Variants in PRKCE observed in about 807,000 individuals in gnomAD.
PRKCE encodes the protein protein kinase C epsilon.
Under a neutral mutation model 85.4 loss-of-function variants are expected in PRKCE, and 16 were observed. The ratio of observed to expected loss-of-function variants is 0.19; its 90% CI spans 0.13 to 0.28. The LOEUF (loss-of-function observed/expected upper bound fraction) is 0.28. PRKCE is among the 10% of genes least tolerant of loss of function. The pLI is 1.00. For missense variants in PRKCE, 573 were observed against 975.2 expected (o/e 0.59, Z 5.49); for synonymous variants, 388 against 371.5 (o/e 1.04, Z -0.51).
intron 1 of PRKCE, among the ~76,000 whole-genome samples, chr2:45,803,639 T>C (rs1688035133): frequency 6.6e-6 from 1 of 152,224 alleles, no homozygotes; most frequent in Non-Finnish European, 1.5e-5. Context: ...TAATATTTAC[T>C]GATGGTTTGG....
intron 1 of PRKCE, among the ~76,000 whole-genome samples, chr2:45,759,263 G>A (rs941041589): frequency 1.3e-5 from 2 of 152,210 alleles, no homozygotes; most frequent in African/African-American, 4.8e-5. Context: ...GTTTTAGTAT[G>A]TCTTGAGCTG....
rs113677616 is a variant in PRKCE, at chr2:45,920,051, T to G, written c.413-56378T>G. Among the ~76,000 whole-genome samples the G allele has an allele frequency of 6.2e-3, 945 of 152,276 alleles. 19 individuals are homozygous for G. The highest frequency in any genetic ancestry group is 0.021 in the African/African-American group (885 of 41,548). On this transcript the variant is annotated intron_variant, in intron 2 of 14. Transcript: ENST00000306156. ...TACTCAGGCCATGTCTGTACATGTA[T>G]TTGTGGCCCCAGCCGGTTCAGACAC...
At chr2:45,873,746 C>T (rs1480655945) in intron 2 of PRKCE, among the ~76,000 whole-genome samples, 1 of 152,232 alleles carries the variant, frequency 6.6e-6, no homozygotes, top group East Asian at 1.9e-4. Context: ...TCTCTTGCCT[C>T]AGTGTCGGTG....
chr2:45,869,383 T>G (rs1693891568), intron 2 of PRKCE, among the ~76,000 whole-genome samples: 1 of 152,248 alleles, frequency 6.6e-6, no homozygotes, highest in South Asian at 2.1e-4. Context: ...TAAAACTGTT[T>G]GTGACACTGC....
chr2:46,123,214 C>CTTTTTTTTTTTTTTT lies in PRKCE; in HGVS notation c.1593-21864_1593-21850dup, dbSNP rs70937991. Among the ~76,000 whole-genome samples the CTTTTTTTTTTTTTTT allele has an allele frequency of 1.2e-3, 33 of 27,370 alleles. 9 individuals are homozygous for CTTTTTTTTTTTTTTT. The highest frequency in any genetic ancestry group is 3.3e-3 in the African/African-American group (26 of 7,912). The allele number at this position is 27,370 out of a possible 152,430, so 18.0% of individuals were successfully genotyped here. A position where few individuals can be genotyped will look rare whatever the true frequency, so the allele number is the denominator to read the frequency against. ...AAGCTTTACAAAGGAAAACACTTGC[C>CTTTTTTTTTTTTTTT]TTTTTTTTTTTTTTTTTTTTTTTTT... On this transcript the variant is annotated intron_variant, in intron 11 of 14. Coordinates refer to ENST00000306156, the MANE Select transcript of PRKCE (RefSeq NM_005400.3).
chr2:46,115,808 G>A (rs899625523), intron 11 of PRKCE, among the ~76,000 whole-genome samples: 26 of 152,196 alleles, frequency 1.7e-4, no homozygotes, highest in Admixed American at 3.3e-4. Context: ...GAGGGTACCA[G>A]GTACCCCGGG....
rs570065355 is a variant in PRKCE, at chr2:46,147,434, G to A, written c.1731+2203G>A. ...TGTTATAGTTAAGGACCCAACCCAA[G>A]ACAGAACATTCACTTTATAATGAAC... On this transcript the variant is annotated intron_variant, in intron 12 of 14. Transcript: ENST00000306156. 3.7e-4 allele frequency among the ~76,000 whole-genome samples: 57 copies of A among 152,294 alleles called. No individual in the cohort carries two copies. The Middle Eastern group carries it at 0.017, about 45-fold the overall frequency.
chr2:46,159,146 T>C lies in PRKCE; in HGVS notation c.1921-460T>C, dbSNP rs1677506357. 6.6e-6 allele frequency among the ~76,000 whole-genome samples: 1 copy of C among 152,194 alleles called. No individual in the cohort carries two copies. Among genetic ancestry groups the C allele is most frequent in the Non-Finnish European group, 1.5e-5 (1 of 68,034 alleles). ...TCATTTACCTGGTCCTTATTCCTTA[T>C]CTCAAAAAGGACCGTTGACCCCTCC... On this transcript the variant is annotated intron_variant, in intron 13 of 14. Coordinates refer to ENST00000306156, the MANE Select transcript of PRKCE (RefSeq NM_005400.3). This position sits in a 1 kb window ranked among gnomAD's most constrained non-coding sequence, Gnocchi z 4.1.
chr2:45,734,862 A>C (rs1681915615), intron 1 of PRKCE, among the ~76,000 whole-genome samples: 1 of 152,198 alleles, frequency 6.6e-6, no homozygotes, highest in Admixed American at 6.5e-5. Context: ...GGTTTATGGG[A>C]AAGGTCTAGC....
chr2:45,724,149 G>T (rs1275252406), intron 1 of PRKCE, among the ~76,000 whole-genome samples: 3 of 152,160 alleles, frequency 2.0e-5, no homozygotes, highest in Non-Finnish European at 2.9e-5. Flanking sequence ...GCCTGTGTCA[G>T]TCAAGCCTAT....
intron 2 of PRKCE, among the ~76,000 whole-genome samples, chr2:45,844,300 A>G (rs1196997288): frequency 6.6e-6 from 1 of 152,172 alleles, no homozygotes; most frequent in African/African-American, 2.4e-5. Flanking sequence ...CAGCCTTCCA[A>G]AATTGGTTGC....
intron 11 of PRKCE, among the ~76,000 whole-genome samples, chr2:46,114,496 C>A (rs1462638877): frequency 7.5e-6 from 1 of 133,718 alleles, no homozygotes; most frequent in Non-Finnish European, 1.5e-5. Flanking sequence ...CAGCTCACTG[C>A]AAGCTCCACC....
intron 11 of PRKCE, among the ~76,000 whole-genome samples, chr2:46,109,520 A>G (rs534097485): frequency 3.9e-5 from 6 of 152,298 alleles, no homozygotes; most frequent in African/African-American, 1.2e-4. Context: ...TTGCAAATAC[A>G]TAGGACATCA....
intron 2 of PRKCE, among the ~76,000 whole-genome samples, chr2:45,944,029 C>T (rs1700066278): frequency 6.6e-6 from 1 of 152,194 alleles, no homozygotes; most frequent in Non-Finnish European, 1.5e-5. Context: ...GGGGCGATGG[C>T]TGAGTCAGAT....
chr2:45,972,524 A>G (rs1285905912), intron 2 of PRKCE, among the ~76,000 whole-genome samples: 1 of 152,216 alleles, frequency 6.6e-6, no homozygotes, highest in African/African-American at 2.4e-5. Context: ...GTCATATCTA[A>G]GAAATCATTG....
chr2:46,120,006 A>G (rs571745116), intron 11 of PRKCE, among the ~76,000 whole-genome samples: 16 of 131,058 alleles, frequency 1.2e-4, no homozygotes, highest in Non-Finnish European at 1.9e-4. Flanking sequence ...TGGAGATGCT[A>G]TGCTTTGTCT....
At position 46,155,366 on chromosome 2, in the gene PRKCE, C is replaced by G. The variant is rs1170184861; in HGVS notation, c.1920+4137C>G. Among the ~76,000 whole-genome samples, 1 of 152,126 alleles carries G rather than the reference C, an allele frequency of 6.6e-6. No homozygotes were observed. The highest frequency in any genetic ancestry group is 2.4e-5 in the African/African-American group (1 of 41,416). ...GCTCCTTGCTGGTGTCACTCGCGGG[C>G]CCCTGTTCGGCTCCTTCATGAATGG... On this transcript the variant is annotated intron_variant, in intron 13 of 14. Transcript: ENST00000306156. This position sits in a 1 kb window ranked among gnomAD's most constrained non-coding sequence, Gnocchi z 4.7.
At chr2:45,934,105 C>T (rs914239000) in intron 2 of PRKCE, among the ~76,000 whole-genome samples, 2 of 152,180 alleles carry the variant, frequency 1.3e-5, no homozygotes, top group African/African-American at 4.8e-5. Context: ...CTCTGTCTCC[C>T]ATTCTCTCTG....
intron 1 of PRKCE, among the ~76,000 whole-genome samples, chr2:45,812,300 C>T (rs1195296287): frequency 6.6e-6 from 1 of 152,146 alleles, no homozygotes; most frequent in Non-Finnish European, 1.5e-5. Flanking sequence ...AGTGAGAAGC[C>T]ACAGATCTTG....
Sources: allele counts gnomAD v4.1 joint callset (sites outside exome capture counted in the v4.1 genomes callset), GRCh38; gene constraint gnomAD v4.1.1; non-coding constraint Gnocchi (gnomAD v3.1); transcripts MANE v1.5; gene names NCBI Gene and HGNC (gene_info 2026-07-23, HGNC 2026-07-21).